TAFA1: variants seen among roughly 807,000 people sequenced by gnomAD.
TAFA1 encodes the protein TAFA chemokine like family member 1, also known as chemokine-like protein TAFA-1.
Under a neutral mutation model 18.5 loss-of-function variants are expected in TAFA1, and 4 were observed. The ratio of observed to expected loss-of-function variants is 0.22; its 90% CI spans 0.11 to 0.49. The LOEUF is 0.49. Ranked by LOEUF, TAFA1 falls within the 20% of genes least tolerant of loss-of-function variation. The probability of loss-of-function intolerance (pLI) is 0.98; values close to 1 mark genes in which losing one functional copy is unlikely to be tolerated. For missense variants in TAFA1, 147 were observed against 169.0 expected (o/e 0.87, Z 0.72); for synonymous variants, 56 against 55.2 (o/e 1.01, Z -0.06).
In TAFA1 at chr3:68,009,141, G is replaced by C. The variant is rs183358633; in HGVS notation, c.118+2397G>C. The stretch of plus-strand genomic sequence containing the variant: ...CAACTCTTTTTTTTCTCTTGCTATT[G>C]TTTTGTTAACCATGTGGTACATGGC... On this transcript the variant is annotated intron_variant, in intron 2 of 4. Coordinates refer to ENST00000478136, the MANE Select transcript of TAFA1 (RefSeq NM_213609.4). Among the ~76,000 whole-genome samples, 26 of 152,144 alleles carry C rather than the reference G, an allele frequency of 1.7e-4. No individual in the cohort carries two copies. The South Asian group carries it at 3.3e-3, about 19-fold the overall frequency.
intron 2 of TAFA1, among the ~76,000 whole-genome samples, chr3:68,011,781 T>C (rs1704477253): frequency 6.6e-6 from 1 of 152,206 alleles, no homozygotes; most frequent in African/African-American, 2.4e-5. Context: ...TGATAATCCA[T>C]CGATCATCTG....
At chr3:68,046,616 A>T (rs933056584) in intron 2 of TAFA1, among the ~76,000 whole-genome samples, 1 of 152,310 alleles carries the variant, frequency 6.6e-6, no homozygotes, top group South Asian at 2.1e-4. Flanking sequence ...TTGAGTGCTT[A>T]CTGAGTTCAA....
intron 2 of TAFA1, among the ~76,000 whole-genome samples, chr3:68,179,071 T>G (rs1035303717): frequency 6.6e-6 from 1 of 152,218 alleles, no homozygotes; most frequent in Non-Finnish European, 1.5e-5. Context: ...ATTTGATGAA[T>G]AAGAGCAGTT....
At chr3:68,120,458 AG>A (rs1394537979) in intron 2 of TAFA1, among the ~76,000 whole-genome samples, 3 of 152,058 alleles carry the variant, frequency 2.0e-5, no homozygotes, top group Non-Finnish European at 4.4e-5. Context: ...CATGTTGGCC[AG>A]GCTGGTCTCG....
At chr3:68,270,503 A>C (rs769507473) in intron 2 of TAFA1, among the ~76,000 whole-genome samples, 4 of 152,168 alleles carry the variant, frequency 2.6e-5, no homozygotes, top group African/African-American at 4.8e-5. Flanking sequence ...TGATGTTTTT[A>C]TGCAGCATCG....
intron 2 of TAFA1, among the ~76,000 whole-genome samples, chr3:68,211,427 G>A (rs370393666): frequency 9.2e-5 from 14 of 152,062 alleles, no homozygotes; most frequent in Admixed American, 2.0e-4. Context: ...TAATGATTCC[G>A]TCTGAATTTG....
upstream of TAFA1, among the ~76,000 whole-genome samples, chr3:68,001,072 T>A (rs1704278709): frequency 6.6e-6 from 1 of 152,146 alleles, no homozygotes; most frequent in Non-Finnish European, 1.5e-5. Context: ...TATATGTTCA[T>A]ATCCTTGCAA....
At chr3:68,027,828 A>G (rs1027330573) in intron 2 of TAFA1, among the ~76,000 whole-genome samples, 2 of 152,200 alleles carry the variant, frequency 1.3e-5, no homozygotes, top group Admixed American at 1.3e-4. Flanking sequence ...AAAGAAACCT[A>G]CAAGTTAACA....
chr3:68,101,301 A>T (rs1186852203), intron 2 of TAFA1, among the ~76,000 whole-genome samples: 1 of 150,374 alleles, frequency 6.7e-6, no homozygotes, highest in Non-Finnish European at 1.5e-5. Context: ...TTATATTTTT[A>T]AAATTTTATT....
At chr3:68,247,762 G>A (rs2067111859) in intron 2 of TAFA1, 1 of 152,238 alleles carries the variant, frequency 6.6e-6, no homozygotes, top group Non-Finnish European at 1.5e-5. Flanking sequence ...GTTGCAGAAT[G>A]TGAAGGAGCA....
At chr3:68,203,972 A>G (rs1415131378) in intron 2 of TAFA1, among the ~76,000 whole-genome samples, 1 of 55,036 alleles carries the variant, frequency 1.8e-5, no homozygotes, top group Non-Finnish European at 3.5e-5. Flanking sequence ...CCCCATGACC[A>G]CATCCCCTTG....
intron 2 of TAFA1, among the ~76,000 whole-genome samples, chr3:68,125,525 G>A (rs2065453682): frequency 6.6e-6 from 1 of 152,194 alleles, no homozygotes; most frequent in Non-Finnish European, 1.5e-5. Context: ...GAGAGACACA[G>A]CCCCTGCCTG....
chr3:68,335,848 T>A (rs796424689), intron 2 of TAFA1, among the ~76,000 whole-genome samples: 5 of 152,324 alleles, frequency 3.3e-5, no homozygotes, highest in African/African-American at 1.2e-4. Flanking sequence ...ACTGGTGACA[T>A]AGAAGATTTA....
intron 3 of TAFA1, among the ~76,000 whole-genome samples, chr3:68,474,609 A>C (rs2072056947): frequency 6.6e-6 from 1 of 152,230 alleles, no homozygotes; most frequent in South Asian, 2.1e-4. Context: ...AAAAGAACCA[A>C]GTTTACGTGA....
intron 2 of TAFA1, among the ~76,000 whole-genome samples, chr3:68,390,098 C>T (rs2070197984): frequency 6.6e-6 from 1 of 152,258 alleles, no homozygotes; most frequent in Non-Finnish European, 1.5e-5. Context: ...AAGCTAAGGT[C>T]CACTGGCTTG....
At chr3:68,258,474 A>G (rs2067342398) in intron 2 of TAFA1, among the ~76,000 whole-genome samples, 1 of 152,170 alleles carries the variant, frequency 6.6e-6, no homozygotes, top group African/African-American at 2.4e-5. Context: ...TCAACTTTCT[A>G]TTCACTCAAA....
intron 2 of TAFA1, among the ~76,000 whole-genome samples, chr3:68,152,446 G>T (rs2065817210): frequency 6.6e-6 from 1 of 152,144 alleles, no homozygotes; most frequent in Non-Finnish European, 1.5e-5. Flanking sequence ...CCTGGTGCAA[G>T]TCAGTGAGCA....
chr3:68,328,219 A>G (rs537584033), intron 2 of TAFA1, among the ~76,000 whole-genome samples: 2 of 152,284 alleles, frequency 1.3e-5, no homozygotes, highest in East Asian at 3.9e-4. Flanking sequence ...TTGGTGATCA[A>G]CTGGGATTTT....
intron 2 of TAFA1, among the ~76,000 whole-genome samples, chr3:68,347,588 C>A (rs115187574): frequency 1.1e-4 from 17 of 152,256 alleles, no homozygotes; most frequent in African/African-American, 4.1e-4. Context: ...AACATGAAAG[C>A]AGCCATGGGC....
Sources: allele counts gnomAD v4.1 joint callset (sites outside exome capture counted in the v4.1 genomes callset), GRCh38; gene constraint gnomAD v4.1.1; transcripts MANE v1.5; gene names NCBI Gene and HGNC (gene_info 2026-07-23, HGNC 2026-07-21).